UCHL3: variants seen among roughly 807,000 people sequenced by gnomAD.
UCHL3 encodes ubiquitin C-terminal hydrolase L3.
Under a neutral mutation model 35.8 loss-of-function variants are expected in UCHL3, and 22 were observed. The ratio of observed to expected loss-of-function variants is 0.61; its 90% CI spans 0.44 to 0.88. The LOEUF is 0.88. UCHL3 is among the 40% of genes least tolerant of loss of function. The probability of loss-of-function intolerance (pLI) is 0.00; values close to 1 mark genes in which losing one functional copy is unlikely to be tolerated. For missense variants in UCHL3, 229 were observed against 276.9 expected (o/e 0.83, Z 1.23); for synonymous variants, 90 against 92.8 (o/e 0.97, Z 0.17).
Position 75,605,833 on chromosome 13 carries a change from CA to C in UCHL3, c.*26del. 1.2e-6 allele frequency: 2 copies of C among 1,608,754 alleles called. No individual in the cohort carries two copies. Among genetic ancestry groups the C allele is most frequent in the Non-Finnish European group, 1.7e-6 (2 of 1,177,246 alleles). ...CATAGCTTGTCAATAATGGAAACAC[CA>C]AAAACTGTATTATTTGCAACTAAAT... On this transcript the variant is annotated 3_prime_UTR_variant, in exon 9 of 9. Coordinates refer to ENST00000377595, the MANE Select transcript of UCHL3 (RefSeq NM_006002.5).
intron 6 of UCHL3, among the ~76,000 whole-genome samples, chr13:75,574,784 G>T (rs954796712): frequency 2.0e-5 from 3 of 152,190 alleles, no homozygotes; most frequent in Non-Finnish European, 4.4e-5. Flanking sequence ...GGATTTTATA[G>T]ATGGAGAACC....
At chr13:75,572,148 T>C (rs1458467148) in intron 6 of UCHL3, among the ~76,000 whole-genome samples, 1 of 152,134 alleles carries the variant, frequency 6.6e-6, no homozygotes, top group African/African-American at 2.4e-5. Context: ...CTATTCTTCT[T>C]GCAGTACTCT....
At chr13:75,592,461 T>TGTATATACATATATAC (rs1434416210) in intron 6 of UCHL3, among the ~76,000 whole-genome samples, 36 of 109,564 alleles carry the variant, frequency 3.3e-4, no homozygotes, top group Non-Finnish European at 6.2e-4. Context: ...TATATATATA[T>TGTATATACATATATAC]ATATATGAAG....
At chr13:75,577,099 C>A (rs1043968917) in intron 6 of UCHL3, among the ~76,000 whole-genome samples, 1 of 152,018 alleles carries the variant, frequency 6.6e-6, no homozygotes, top group Non-Finnish European at 1.5e-5. Flanking sequence ...AAAAATTAGC[C>A]AGATGTGGTG....
At chr13:75,574,009 A>G (rs551196457) in intron 6 of UCHL3, among the ~76,000 whole-genome samples, 14 of 152,278 alleles carry the variant, frequency 9.2e-5, no homozygotes, top group African/African-American at 3.4e-4. Context: ...CAAGGTCAGG[A>G]GATCGAGGCC....
At chr13:75,589,917 T>C in intron 6 of UCHL3, 1 of 1,290,982 alleles carries the variant, frequency 7.7e-7, no homozygotes, top group Non-Finnish European at 1.0e-6. Flanking sequence ...AAGTAAAATA[T>C]TCTCTTTTTT....
intron 6 of UCHL3, among the ~76,000 whole-genome samples, chr13:75,580,996 C>T (rs977900145): frequency 2.6e-5 from 4 of 152,054 alleles, no homozygotes; most frequent in African/African-American, 7.2e-5. Context: ...AGAGTTGTGC[C>T]GAATACTTTG....
intron 3 of UCHL3, among the ~76,000 whole-genome samples, chr13:75,564,250 G>A (rs4884009): frequency 0.58 from 87,408 of 150,998 alleles, 26,958 homozygotes; most frequent in Non-Finnish European, 0.69. Flanking sequence ...TCCTGGGTTC[G>A]CGCCATTCTC....
intron 6 of UCHL3, among the ~76,000 whole-genome samples, chr13:75,571,124 C>G (rs2138503903): frequency 6.6e-6 from 1 of 152,126 alleles, no homozygotes; most frequent in South Asian, 2.1e-4. Context: ...TTTTTGTTTG[C>G]AAATTTATAG....
intron 6 of UCHL3, among the ~76,000 whole-genome samples, chr13:75,582,546 C>T (rs915179792): frequency 5.9e-5 from 9 of 152,222 alleles, no homozygotes; most frequent in Non-Finnish European, 1.0e-4. Flanking sequence ...GACTCTTCAC[C>T]AGAATGAAAA....
At chr13:75,605,160 G>T (rs2032900897) in intron 8 of UCHL3, among the ~76,000 whole-genome samples, 1 of 152,132 alleles carries the variant, frequency 6.6e-6, no homozygotes, top group South Asian at 2.1e-4. Context: ...AAATTGTGTG[G>T]CTTAGAATCA....
At chr13:75,567,630 C>T (rs1348872664) in intron 5 of UCHL3, among the ~76,000 whole-genome samples, 3 of 152,042 alleles carry the variant, frequency 2.0e-5, no homozygotes, top group African/African-American at 4.8e-5. Context: ...TCACTGCAAC[C>T]TCTGCCTCCT....
At chr13:75,569,237 T>A (rs1458707022) in intron 5 of UCHL3, 2 of 378,926 alleles carry the variant, frequency 5.3e-6, no homozygotes, top group African/African-American at 4.2e-5. Context: ...AATCAGATAT[T>A]CAATTTCCTA....
intron 7 of UCHL3, among the ~76,000 whole-genome samples, chr13:75,598,792 T>A (rs1194333524): frequency 6.6e-6 from 1 of 152,228 alleles, no homozygotes; most frequent in Non-Finnish European, 1.5e-5. Context: ...CAGTTGCTCA[T>A]CAAGCTTTTA....
intron 6 of UCHL3, among the ~76,000 whole-genome samples, chr13:75,593,202 C>T (rs951644918): frequency 3.3e-5 from 5 of 152,066 alleles, no homozygotes; most frequent in African/African-American, 1.2e-4. Flanking sequence ...AAGACTCTTT[C>T]CTAGGTGAAT....
chr13:75,603,791 C>T lies in UCHL3; in HGVS notation c.551-978C>T, dbSNP rs573552705. 4.6e-5 allele frequency among the ~76,000 whole-genome samples: 7 copies of T among 152,050 alleles called. No individual in the cohort carries two copies. The East Asian group carries it at 5.8e-4, about 13-fold the overall frequency. Reference sequence around the variant, plus strand: ...TAAGTGTTCATGTGTAATATAGTTACAGGAAAATATTTCCTAAAGGTTCTT... The same window carrying T: ...TAAGTGTTCATGTGTAATATAGTTATAGGAAAATATTTCCTAAAGGTTCTT... On this transcript the variant is annotated intron_variant, in intron 7 of 8. Transcript: ENST00000377595.
chr13:75,555,227 A>G (rs566471567), intron 2 of UCHL3, among the ~76,000 whole-genome samples: 24 of 152,298 alleles, frequency 1.6e-4, no homozygotes, highest in Non-Finnish European at 2.9e-4. Flanking sequence ...TCTGTGGCTC[A>G]AGTTCAAGTC....
chr13:75,593,747 T>C (rs1417444331), intron 6 of UCHL3, among the ~76,000 whole-genome samples: 2 of 152,206 alleles, frequency 1.3e-5, no homozygotes, highest in African/African-American at 4.8e-5. Flanking sequence ...AAGAATAATG[T>C]GAGATTAGGT....
At chr13:75,587,017 CAAAAA>C (rs3036429) in intron 6 of UCHL3, among the ~76,000 whole-genome samples, 11 of 98,976 alleles carry the variant, frequency 1.1e-4, no homozygotes, top group African/African-American at 4.4e-4. Flanking sequence ...CTTAAGGTAG[CAAAAA>C]AAAAAAAAAA....
Sources: gnomAD v4.1 joint callset for allele counts (sites outside exome capture counted in the v4.1 genomes callset) on GRCh38, gnomAD v4.1.1 for gene constraint, MANE v1.5 for transcripts, NCBI Gene and HGNC (gene_info 2026-07-23, HGNC 2026-07-21) for gene names.